LRP1B: variants seen among roughly 807,000 people sequenced by gnomAD.
LRP1B encodes low-density lipoprotein receptor-related protein 1B.
LRP1B carries 217 observed loss-of-function variants against 556.6 expected under a neutral mutation model. The observed-to-expected ratio is 0.39, with a 90% CI of 0.35 to 0.44. LRP1B has a LOEUF of 0.44. Ranked by LOEUF, LRP1B falls within the 20% of genes least tolerant of loss-of-function variation. LRP1B has a pLI of 1.00. For synonymous variants in LRP1B, 2,047 were observed against 1,865.8 expected (o/e 1.10, Z -2.50); for missense variants, 5,053 against 5,620.8 (o/e 0.90, Z 3.23).
At chr2:141,164,184 T>G (rs1295006889) in intron 7 of LRP1B, among the ~76,000 whole-genome samples, 6 of 152,036 alleles carry the variant, frequency 3.9e-5, no homozygotes, top group Non-Finnish European at 8.8e-5. Flanking sequence ...TCAAAGAAAT[T>G]AATGATCCCA....
chr2:140,828,465 C>T (rs978823854), intron 31 of LRP1B, among the ~76,000 whole-genome samples: 7 of 148,462 alleles, frequency 4.7e-5, no homozygotes, highest in African/African-American at 1.5e-4. Context: ...AAAAATTAGC[C>T]GGGCGTGGTA....
chr2:141,742,305 G>A (rs67418057), intron 2 of LRP1B, among the ~76,000 whole-genome samples: 4,526 of 146,982 alleles, frequency 0.031, 108 homozygotes, highest in Non-Finnish European at 0.043. Flanking sequence ...AGGCTGGAGT[G>A]TAGTGGTGCA....
intron 41 of LRP1B, among the ~76,000 whole-genome samples, chr2:140,658,488 A>C (rs1684966955): frequency 6.6e-6 from 1 of 150,776 alleles, no homozygotes; most frequent in African/African-American, 2.4e-5. Flanking sequence ...AACAATAATC[A>C]TTTTTAATAA....
At chr2:140,447,094 A>C (rs1021439073) in intron 63 of LRP1B, among the ~76,000 whole-genome samples, 2 of 152,166 alleles carry the variant, frequency 1.3e-5, no homozygotes, top group Admixed American at 6.6e-5. Flanking sequence ...GGAAAATGCA[A>C]ATAAAACCAC....
At chr2:140,855,387 G>A (rs1157389048) in intron 27 of LRP1B, among the ~76,000 whole-genome samples, 1 of 150,038 alleles carries the variant, frequency 6.7e-6, no homozygotes, top group Non-Finnish European at 1.5e-5. Flanking sequence ...TTGGGGCCAG[G>A]CACGCCAATA....
chr2:140,744,868 A>T (rs1438028216), intron 35 of LRP1B, among the ~76,000 whole-genome samples: 2 of 151,864 alleles, frequency 1.3e-5, no homozygotes, highest in Non-Finnish European at 2.9e-5. Context: ...GATTTTGCCA[A>T]TTTTTTTTCC....
At chr2:140,556,517 T>G (rs1680739398) in intron 43 of LRP1B, among the ~76,000 whole-genome samples, 1 of 152,074 alleles carries the variant, frequency 6.6e-6, no homozygotes, top group African/African-American at 2.4e-5. Context: ...ATTCACAGAT[T>G]TCACTATTTC....
chr2:140,794,433 A>G (rs1316263659), intron 32 of LRP1B, among the ~76,000 whole-genome samples: 1 of 151,898 alleles, frequency 6.6e-6, no homozygotes, highest in Admixed American at 6.6e-5. Flanking sequence ...AAATGACAAT[A>G]TTTAATTTGC....
chr2:141,446,429 C>A (rs760626144), intron 3 of LRP1B, among the ~76,000 whole-genome samples: 8 of 152,106 alleles, frequency 5.3e-5, no homozygotes, highest in Middle Eastern at 3.4e-3. Context: ...AATATTGTTA[C>A]GTGTGAATTT....
chr2:140,504,549 C>T (rs1302074967), intron 53 of LRP1B, among the ~76,000 whole-genome samples: 3 of 152,166 alleles, frequency 2.0e-5, no homozygotes, highest in Non-Finnish European at 4.4e-5. Flanking sequence ...TAAATTATCA[C>T]ACAGTCACTA....
At chr2:141,706,650 AGGCAGAAAGCAAT>A (rs1481821551) in intron 2 of LRP1B, among the ~76,000 whole-genome samples, 1 of 152,112 alleles carries the variant, frequency 6.6e-6, no homozygotes, top group African/African-American at 2.4e-5. Flanking sequence ...AAGTATTCAA[AGGCAGAAAGCAAT>A]GTGATCTTCA....
At chr2:141,404,004 G>A (rs57151964) in intron 3 of LRP1B, among the ~76,000 whole-genome samples, 3,823 of 152,124 alleles carry the variant, frequency 0.025, 181 homozygotes, top group African/African-American at 0.087. Flanking sequence ...TCTTCTTTCT[G>A]GATCTCCAAA....
At chr2:142,091,233 G>A (rs1706160445) in intron 1 of LRP1B, among the ~76,000 whole-genome samples, 1 of 151,892 alleles carries the variant, frequency 6.6e-6, no homozygotes, top group Admixed American at 6.6e-5. Context: ...TTTAGACTTT[G>A]GCAAAAGTAT....
chr2:140,235,692 A>G (rs1401739972), intron 89 of LRP1B, among the ~76,000 whole-genome samples: 1 of 151,130 alleles, frequency 6.6e-6, no homozygotes, highest in African/African-American at 2.4e-5. Context: ...GGGGGCACTG[A>G]AACATAGTTT....
At chr2:140,561,464 A>G in intron 43 of LRP1B, among the ~76,000 whole-genome samples, 1 of 152,106 alleles carries the variant, frequency 6.6e-6, no homozygotes, top group Non-Finnish European at 1.5e-5. Context: ...GTCTTTGGGT[A>G]TTCATTCTGA....
chr2:140,479,905 T>C (rs1688159108), intron 59 of LRP1B, among the ~76,000 whole-genome samples: 1 of 152,212 alleles, frequency 6.6e-6, no homozygotes, highest in African/African-American at 2.4e-5. Context: ...CTTATGACTC[T>C]TCTCTTTGAA....
chr2:141,814,167 G>A (rs1696453574), intron 1 of LRP1B, among the ~76,000 whole-genome samples: 1 of 152,148 alleles, frequency 6.6e-6, no homozygotes, highest in South Asian at 2.1e-4. Context: ...AGGAAGAAGA[G>A]TACAAAACGG....
intron 3 of LRP1B, among the ~76,000 whole-genome samples, chr2:141,476,977 G>A (rs542873172): frequency 6.6e-6 from 1 of 152,172 alleles, no homozygotes; most frequent in African/African-American, 2.4e-5. Context: ...TACAAAATTA[G>A]CCAGGTGTGT....
chr2:140,778,178 A>C (rs1689563950), intron 32 of LRP1B, among the ~76,000 whole-genome samples: 1 of 152,186 alleles, frequency 6.6e-6, no homozygotes, highest in Non-Finnish European at 1.5e-5. Flanking sequence ...GCCTGGAGGG[A>C]ATGTCTTATG....
Sources: allele counts gnomAD v4.1 joint callset (sites outside exome capture counted in the v4.1 genomes callset), GRCh38; gene constraint gnomAD v4.1.1; transcripts MANE v1.5; gene names NCBI Gene and HGNC (gene_info 2026-07-23, HGNC 2026-07-21).